Variants in ASNS observed in about 807,000 individuals in gnomAD.
ASNS encodes the protein asparagine synthetase [glutamine-hydrolyzing].
ASNS carries 37 observed loss-of-function variants against 62.6 expected under a neutral mutation model. The ratio of observed to expected loss-of-function variants is 0.59; its 90% CI spans 0.45 to 0.78. The LOEUF (loss-of-function observed/expected upper bound fraction) is 0.78, where lower values mean the gene tolerates loss of function less well. Among genes scored for constraint, ASNS ranks in the 30% least tolerant of loss-of-function variants. ASNS has a pLI of 0.00. For missense variants in ASNS, 520 were observed against 682.4 expected, an observed-to-expected ratio of 0.76 and a Z score of 2.65; for synonymous variants, 207 against 237.9, an observed-to-expected ratio of 0.87 and a Z score of 1.19.
At chr7:97,906,380 C>A in the ASNS span, 1 of 306,406 alleles carries the variant, frequency 3.3e-6, no homozygotes, top group Non-Finnish European at 6.3e-6. Flanking sequence ...AAAGATCCTC[C>A]AGATATGGCC....
intron 1 of ASNS, chr7:97,870,092 A>G (rs886843466): frequency 1.6e-5 from 6 of 368,322 alleles, no homozygotes; most frequent in African/African-American, 4.3e-5. Flanking sequence ...ATTACTTTCC[A>G]ATTTCAAATT....
rs553860957 is a variant in ASNS, at chr7:97,851,979, G to T, written c.*280C>A. ...CAAGATGCAAATGTCATCTAAAGCA[G>T]CTCTGCCAGGAGAGGGCTGTGAGTT... On this transcript the variant is annotated 3_prime_UTR_variant, in exon 13 of 13. Coordinates refer to ENST00000394308, the MANE Select transcript of ASNS (RefSeq NM_001673.5). The T allele has an allele frequency of 7.3e-6, 3 of 409,698 alleles. No individual in the cohort carries two copies. The highest frequency in any genetic ancestry group is 6.0e-5 in the African/African-American group (3 of 49,694). 25.4% of individuals were successfully genotyped at this position (409,698 alleles called of 1,614,324 possible). A position where few individuals can be genotyped will look rare whatever the true frequency, so the allele number is the denominator to read the frequency against.
At chr7:97,920,105 T>A in the ASNS span, among the ~76,000 whole-genome samples, 2 of 152,058 alleles carry the variant, frequency 1.3e-5, no homozygotes, top group Non-Finnish European at 2.9e-5. Flanking sequence ...CCTTCTGGGT[T>A]CAAGCAATTC....
the ASNS span, among the ~76,000 whole-genome samples, chr7:97,900,384 A>AC: frequency 4.0e-5 from 6 of 149,544 alleles, no homozygotes; most frequent in Admixed American, 2.0e-4. Context: ...AAAAAAAAAA[A>AC]CAGAAAATAA....
chr7:97,904,672 A>C, the ASNS span, among the ~76,000 whole-genome samples: 2 of 151,982 alleles, frequency 1.3e-5, no homozygotes, highest in East Asian at 3.9e-4. Context: ...GCAATGCATG[A>C]AGACAGGAGA....
chr7:97,876,272 T>C (rs1420825810), upstream of ASNS, among the ~76,000 whole-genome samples: 6 of 152,218 alleles, frequency 3.9e-5, no homozygotes, highest in Non-Finnish European at 7.3e-5. Context: ...CTGTGCTGCT[T>C]CTACAGCTCT....
the ASNS span, among the ~76,000 whole-genome samples, chr7:97,915,969 G>A: frequency 2.6e-5 from 4 of 152,160 alleles, no homozygotes; most frequent in Non-Finnish European, 5.9e-5. Flanking sequence ...TGGACTCAGA[G>A]GCCAAGTTCA....
At position 97,864,406 on chromosome 7, in the gene ASNS, T is replaced by C. The variant is rs146684180; in HGVS notation, c.340A>G (p.Ile114Val). The change falls in exon 4 of 13, where the codon ATT (isoleucine) becomes GTT (valine). Residue 114 changes from isoleucine (I) to valine (V), a missense_variant. Ile to Val is a conservative substitution (Grantham distance 29, BLOSUM62 3). Transcript: ENST00000394308. ...GCAAACACACCATCCAACATACAAA[T>C]TGTTTGCTCAATTCCTCCTTTGTCA... is the stretch of plus-strand genomic sequence containing the variant. Reference protein sequence around the residue: ...LYDKGGIEQTICMLDGVFAFV... With the variant: ...LYDKGGIEQTVCMLDGVFAFV... 1.1e-5 allele frequency: 17 copies of C among 1,613,856 alleles called. No individual in the cohort carries two copies. Among genetic ancestry groups the C allele is most frequent in the Non-Finnish European group, 1.4e-5 (16 of 1,179,934 alleles).
Position 97,858,375 on chromosome 7 carries a change from G to C in ASNS, c.806C>G (p.Thr269Ser). The C allele has an allele frequency of 6.2e-7, 1 of 1,614,154 alleles. No homozygotes were observed. Among genetic ancestry groups the C allele is most frequent in the Non-Finnish European group, 8.5e-7 (1 of 1,180,026 alleles). The change falls in exon 7 of 13, where the codon ACT becomes AGT. Residue 269 changes from threonine (T) to serine (S), a missense_variant. Coordinates refer to ENST00000394308, the MANE Select transcript of ASNS (RefSeq NM_001673.5). ...GGCTTCTTTCAGCTGCTTCAACAGAGTGGCAGCAACCAAGCTGGAGTCCAA... is the reference window on the plus strand; with the variant it reads ...GGCTTCTTTCAGCTGCTTCAACAGACTGGCAGCAACCAAGCTGGAGTCCAA... ...GGLDSSLVAA[T>S]LLKQLKEAQV...
chr7:97,853,072 G>A lies in ASNS; in HGVS notation c.1464C>T (p.Tyr488=), dbSNP rs768064875. The A allele has an allele frequency of 9.7e-5, 154 of 1,580,108 alleles. No individual in the cohort carries two copies. The highest frequency in any genetic ancestry group is 1.2e-4 in the Non-Finnish European group (139 of 1,166,428). ...AAAGACATTATACCTGATGTTCAAC[G>A]TATTCCTGTAAAATCTTAAACCAGG... The part of the protein sequence containing the change: ...KNSWFKILQE[Y]VEHQVDDAMM... Residue 488 remains tyrosine (Y), a synonymous_variant, in exon 12 of 13, where the codon TAC becomes TAT. Coordinates refer to ENST00000394308, the MANE Select transcript of ASNS (RefSeq NM_001673.5).
intron 3 of ASNS, among the ~76,000 whole-genome samples, chr7:97,868,697 T>C (rs550062392): frequency 1.3e-5 from 2 of 152,314 alleles, no homozygotes; most frequent in South Asian, 2.1e-4. Flanking sequence ...AACTGAACTG[T>C]AATCCCCATT....
chr7:97,928,229 C>G, the ASNS span: 11 of 1,528,400 alleles, frequency 7.2e-6, no homozygotes, highest in African/African-American at 1.4e-5. Context: ...CGTCGTCCTC[C>G]TCCCTCCTGG....
chr7:97,865,149 C>A (rs1791904267), intron 3 of ASNS, among the ~76,000 whole-genome samples: 1 of 152,156 alleles, frequency 6.6e-6, no homozygotes, highest in South Asian at 2.1e-4. Flanking sequence ...TATTATGCTG[C>A]TGATGAGCAA....
At chr7:97,873,082 T>G (rs1792358979), upstream of ASNS, among the ~76,000 whole-genome samples, 1 of 152,190 alleles carries the variant, frequency 6.6e-6, no homozygotes, top group Admixed American at 6.5e-5. Flanking sequence ...AACAATAAAA[T>G]CTAAATCTAA....
the ASNS span, chr7:97,906,298 C>A: frequency 1.2e-5 from 5 of 418,916 alleles, no homozygotes; most frequent in South Asian, 9.2e-5. Context: ...GCAAAACCAT[C>A]TCTTGAGTGG....
chr7:97,923,180 T>C, the ASNS span, among the ~76,000 whole-genome samples: 1 of 151,802 alleles, frequency 6.6e-6, no homozygotes, highest in East Asian at 1.9e-4. Flanking sequence ...TTGGTCAAAA[T>C]AGTCTCCTTA....
chr7:97,870,871 G>T (rs1422628948), intron 1 of ASNS, among the ~76,000 whole-genome samples: 1 of 152,068 alleles, frequency 6.6e-6, no homozygotes, highest in Admixed American at 6.5e-5. Flanking sequence ...GAAAAAGGGA[G>T]AACAAAGAGG....
At chr7:97,894,466 C>T in the ASNS span, among the ~76,000 whole-genome samples, 4 of 94,386 alleles carry the variant, frequency 4.2e-5, no homozygotes, top group African/African-American at 1.6e-4. Flanking sequence ...TGATAAACCA[C>T]TAGTGAGGCT....
At chr7:97,926,152 A>G in the ASNS span, among the ~76,000 whole-genome samples, 3 of 151,424 alleles carry the variant, frequency 2.0e-5, no homozygotes, top group African/African-American at 4.9e-5. Context: ...CCTTTAGCCA[A>G]CACCGAATAA....
Sources: allele counts gnomAD v4.1 joint callset (sites outside exome capture counted in the v4.1 genomes callset), GRCh38; gene constraint gnomAD v4.1.1; transcripts MANE v1.5; gene names NCBI Gene and HGNC (gene_info 2026-07-23, HGNC 2026-07-21).